OVCH1: variants seen among roughly 807,000 people sequenced by gnomAD.
OVCH1 encodes ovochymase 1.
OVCH1 carries 139 observed loss-of-function variants against 138.4 expected under a neutral mutation model. The ratio of observed to expected loss-of-function variants is 1.00; its 90% CI spans 0.87 to 1.16. The LOEUF (loss-of-function observed/expected upper bound fraction) is 1.16, where lower values mean the gene tolerates loss of function less well. OVCH1 is among the 50% of genes most tolerant of loss of function. The probability of loss-of-function intolerance (pLI) is 0.00; values close to 1 mark genes in which losing one functional copy is unlikely to be tolerated. For missense variants in OVCH1, 1,367 were observed against 1,357.9 expected (o/e 1.01, Z -0.11); for synonymous variants, 453 against 467.8 (o/e 0.97, Z 0.41).
At chr12:29,456,461 G>A (rs749350677) in intron 19 of OVCH1, among the ~76,000 whole-genome samples, 4 of 152,176 alleles carry the variant, frequency 2.6e-5, no homozygotes, top group Non-Finnish European at 5.9e-5. Context: ...AGAAGCTCTC[G>A]TAGATGGAAG....
intron 22 of OVCH1, among the ~76,000 whole-genome samples, chr12:29,445,879 A>T (rs1234491109): frequency 6.6e-6 from 1 of 152,146 alleles, no homozygotes; most frequent in Non-Finnish European, 1.5e-5. Context: ...TTCTAAAATG[A>T]TTCAGAGGGC....
At chr12:29,405,021 CAAAAAAAAAAAAAAAAA>C in the OVCH1 span, among the ~76,000 whole-genome samples, 4 of 80,450 alleles carry the variant, frequency 5.0e-5, no homozygotes, top group African/African-American at 2.8e-4. Flanking sequence ...CACTCCACCT[CAAAAAAAAAAAAAAAAA>C]AAAAAAAAAA....
chr12:29,490,036 G>C (rs1943232353), intron 5 of OVCH1, among the ~76,000 whole-genome samples: 1 of 152,016 alleles, frequency 6.6e-6, no homozygotes, highest in African/African-American at 2.4e-5. Context: ...CCCAAAAGAG[G>C]AAAACTTTGG....
At chr12:29,488,620 C>CAAAAAAACAAAA (rs1943183405) in intron 6 of OVCH1, among the ~76,000 whole-genome samples, 1 of 61,752 alleles carries the variant, frequency 1.6e-5, no homozygotes, top group African/African-American at 6.8e-5. Flanking sequence ...GACTCCATCT[C>CAAAAAAACAAAA]AAAAAAAAAA....
At chr12:29,483,127 T>C (rs1203975119) in intron 8 of OVCH1, among the ~76,000 whole-genome samples, 1 of 152,210 alleles carries the variant, frequency 6.6e-6, no homozygotes, top group African/African-American at 2.4e-5. Context: ...TCAAAAAATA[T>C]TATGGTTCCT....
chr12:29,487,027 C>T, intron 7 of OVCH1: 1 of 416,806 alleles, frequency 2.4e-6, no homozygotes, highest in African/African-American at 2.1e-5. Context: ...ATCCACAGCA[C>T]CACTTCTAAA....
intron 19 of OVCH1, among the ~76,000 whole-genome samples, chr12:29,455,998 G>T (rs1486613110): frequency 6.6e-6 from 1 of 152,108 alleles, no homozygotes; most frequent in Non-Finnish European, 1.5e-5. Context: ...GTGAAGAAAA[G>T]TTAAAGGCTG....
At chr12:29,443,388 C>T in exon 25 of OVCH1, 12 of 1,611,176 alleles carry the variant, frequency 7.4e-6, no homozygotes, top group Non-Finnish European at 9.3e-6. Context: ...GGTCCAAATC[C>T]TTCGTAAACA....
intron 13 of OVCH1, among the ~76,000 whole-genome samples, chr12:29,475,620 A>G (rs780453830): frequency 1.3e-5 from 2 of 152,160 alleles, no homozygotes; most frequent in Non-Finnish European, 2.9e-5. Flanking sequence ...TTGTGCTCTC[A>G]CTAACCTGCC....
At position 29,487,783 on chromosome 12, in the gene OVCH1, G is replaced by T; in HGVS notation, c.802C>A (p.Pro268Thr). The T allele has an allele frequency of 2.5e-6, 4 of 1,606,412 alleles. No individual in the cohort carries two copies. The South Asian group carries it at 4.4e-5, about 18-fold the overall frequency. Residue 268 changes from proline (P) to threonine (T), a missense_variant, in exon 7 of 28, where the codon CCC becomes ACC. Coordinates refer to ENST00000318184, the Ensembl canonical transcript of OVCH1. Reference sequence around the variant, plus strand: ...GCCTTCACATGGTTGTTTCTTACGGGAACTGAACCTCCAGCACAACCAGCT... The same window carrying T: ...GCCTTCACATGGTTGTTTCTTACGGTAACTGAACCTCCAGCACAACCAGCT...
intron 22 of OVCH1, among the ~76,000 whole-genome samples, chr12:29,449,270 C>G (rs898980939): frequency 7.4e-6 from 1 of 135,608 alleles, no homozygotes; most frequent in Non-Finnish European, 1.6e-5. Flanking sequence ...CTTTTTCCCC[C>G]CTCCCTACAC....
exon 26 of OVCH1, chr12:29,439,348 G>A (rs1941426371): frequency 1.9e-6 from 3 of 1,550,614 alleles, no homozygotes; most frequent in Admixed American, 2.0e-5. Context: ...TCCCATATAT[G>A]CATGATATAT....
intron 3 of OVCH1, among the ~76,000 whole-genome samples, chr12:29,413,830 C>A: frequency 6.6e-6 from 1 of 152,056 alleles, no homozygotes; most frequent in East Asian, 1.9e-4. Context: ...ATTGTATAAA[C>A]TCTTTGAAGT....
chr12:29,406,220 T>C, the OVCH1 span, among the ~76,000 whole-genome samples: 1 of 152,222 alleles, frequency 6.6e-6, no homozygotes, highest in Non-Finnish European at 1.5e-5. Flanking sequence ...CTAGATATTC[T>C]TCAATACATG....
downstream of OVCH1, among the ~76,000 whole-genome samples, chr12:29,407,782 C>T (rs1486283315): frequency 2.6e-5 from 4 of 151,266 alleles, no homozygotes; most frequent in Non-Finnish European, 5.9e-5. Flanking sequence ...ATTGACTTGG[C>T]TATGCGGGCT....
intron 3 of OVCH1, among the ~76,000 whole-genome samples, chr12:29,415,955 CAAAAAA>C (rs557792386): frequency 1.6e-4 from 23 of 147,514 alleles, no homozygotes; most frequent in South Asian, 4.3e-4. Context: ...CATAGCTCAA[CAAAAAA>C]AAAGATCCCA....
At chr12:29,483,255 G>T (rs574121967) in intron 8 of OVCH1, among the ~76,000 whole-genome samples, 24 of 152,180 alleles carry the variant, frequency 1.6e-4, no homozygotes, top group Admixed American at 1.2e-3. Flanking sequence ...GGTCCTAGAG[G>T]TCCCTGAGAC....
At chr12:29,430,747 G>A (rs1380258904) in intron 27 of OVCH1, among the ~76,000 whole-genome samples, 3 of 152,140 alleles carry the variant, frequency 2.0e-5, no homozygotes, top group African/African-American at 4.8e-5. Flanking sequence ...TCCCAGCTGC[G>A]AAATCAAGTA....
At chr12:29,469,934 G>A (rs576124104) in intron 16 of OVCH1, among the ~76,000 whole-genome samples, 1 of 152,238 alleles carries the variant, frequency 6.6e-6, no homozygotes, top group East Asian at 1.9e-4. Context: ...AATCATTTGG[G>A]AAGCTTTTCA....
Sources: gnomAD v4.1 joint callset for allele counts (sites outside exome capture counted in the v4.1 genomes callset) on GRCh38, gnomAD v4.1.1 for gene constraint, MANE v1.5 for transcripts, NCBI Gene and HGNC (gene_info 2026-07-23, HGNC 2026-07-21) for gene names.